Variants in ZNF423 observed in about 807,000 individuals in gnomAD.
ZNF423 encodes the protein Ebf-associated zinc finger protein.
A neutral mutation model predicts 95.8 loss-of-function variants in ZNF423; 12 were observed. That is an observed-to-expected ratio of 0.13 (90% CI 0.08 to 0.20). The LOEUF (loss-of-function observed/expected upper bound fraction) is 0.20. Ranked by LOEUF, ZNF423 falls within the 10% of genes least tolerant of loss-of-function variation. ZNF423 has a pLI of 1.00. For synonymous variants in ZNF423, 749 were observed against 711.9 expected (o/e 1.05, Z -0.83); for missense variants, 1,316 against 1,737.1 (o/e 0.76, Z 4.31).
chr16:49,586,824 G>A (rs1460218119), intron 5 of ZNF423, among the ~76,000 whole-genome samples: 7 of 152,168 alleles, frequency 4.6e-5, no homozygotes, highest in East Asian at 1.9e-4. Flanking sequence ...GCCAGTCCCC[G>A]GATGCCAACA....
At chr16:49,645,505 G>A (rs1290996989) in intron 3 of ZNF423, among the ~76,000 whole-genome samples, 1 of 152,218 alleles carries the variant, frequency 6.6e-6, no homozygotes, top group Non-Finnish European at 1.5e-5. Context: ...AGGGCACTGA[G>A]CAAACTGGAA....
intron 7 of ZNF423, 138 bp downstream of exon 7, chr16:49,523,486 C>G: frequency 1.4e-6 from 1 of 692,432 alleles, no homozygotes; most frequent in Non-Finnish European, 2.5e-6. Flanking sequence ...TCCATGCCTG[C>G]TAGCCAGGAG....
At chr16:49,714,171 T>C (rs2143172180) in intron 3 of ZNF423, among the ~76,000 whole-genome samples, 1 of 152,346 alleles carries the variant, frequency 6.6e-6, no homozygotes, top group Non-Finnish European at 1.5e-5. Flanking sequence ...CAGGAGATCA[T>C]GGGCTCCGAA....
chr16:49,858,773 G>A (rs995151190), upstream of ZNF423, among the ~76,000 whole-genome samples: 12 of 151,982 alleles, frequency 7.9e-5, no homozygotes, highest in Non-Finnish European at 2.9e-5. This position sits in a 1 kb window ranked among gnomAD's most constrained non-coding sequence, Gnocchi z 4.3. Flanking sequence ...CTGAACCGGG[G>A]GTGCCAAGGG....
intron 2 of ZNF423, among the ~76,000 whole-genome samples, chr16:49,782,852 G>T (rs1192908206): frequency 6.6e-6 from 1 of 151,918 alleles, no homozygotes; most frequent in Non-Finnish European, 1.5e-5. Flanking sequence ...CGCTAAGCAT[G>T]GTGGTACATG....
intron 2 of ZNF423, among the ~76,000 whole-genome samples, chr16:49,783,201 G>A (rs1041860017): frequency 1.3e-5 from 2 of 152,102 alleles, no homozygotes; most frequent in Non-Finnish European, 2.9e-5. Context: ...GCTGGGATGG[G>A]CGGGAGAGAC....
chr16:49,577,891 G>C (rs532163676), intron 5 of ZNF423, among the ~76,000 whole-genome samples: 1 of 152,304 alleles, frequency 6.6e-6, no homozygotes, highest in South Asian at 2.1e-4. Flanking sequence ...AGCCACCCTG[G>C]ACCAGGCTGC....
chr16:49,715,191 A>T (rs1483331339), intron 3 of ZNF423, among the ~76,000 whole-genome samples: 1 of 152,232 alleles, frequency 6.6e-6, no homozygotes, highest in Non-Finnish European at 1.5e-5. Context: ...CGAGTGGCAG[A>T]GACAATAATT....
intron 4 of ZNF423, among the ~76,000 whole-genome samples, chr16:49,634,419 C>A (rs1162633946): frequency 6.6e-6 from 1 of 152,134 alleles, no homozygotes; most frequent in African/African-American, 2.4e-5. Context: ...GCCCTCTTGG[C>A]TCCCGTGGGC....
chr16:49,797,566 TG>T (rs901637527), intron 1 of ZNF423, among the ~76,000 whole-genome samples: 4 of 152,070 alleles, frequency 2.6e-5, no homozygotes, highest in African/African-American at 9.7e-5. Context: ...GTGGGTGGGG[TG>T]GGGGTGATTG....
At chr16:49,518,009 T>C (rs1171984539) in intron 7 of ZNF423, 1 of 451,740 alleles carries the variant, frequency 2.2e-6, no homozygotes, top group East Asian at 7.0e-5. Context: ...TAAGCTAAAA[T>C]CCATCATTAA....
intron 5 of ZNF423, among the ~76,000 whole-genome samples, chr16:49,592,400 A>T (rs1215726589): frequency 6.6e-6 from 1 of 152,260 alleles, no homozygotes; most frequent in East Asian, 1.9e-4. Context: ...ACAGCCAATT[A>T]GGAAAATTGA....
intron 3 of ZNF423, among the ~76,000 whole-genome samples, chr16:49,702,229 C>T (rs1008376110): frequency 1.3e-5 from 2 of 152,172 alleles, no homozygotes; most frequent in Non-Finnish European, 1.5e-5. Flanking sequence ...ATGCACAAGG[C>T]GGGCCTTTGG....
intron 3 of ZNF423, among the ~76,000 whole-genome samples, chr16:49,703,660 C>T (rs2032262917): frequency 6.6e-6 from 1 of 152,356 alleles, no homozygotes; most frequent in South Asian, 2.1e-4. Context: ...GCAGGGGAGC[C>T]CCATGGGGTC....
intron 6 of ZNF423, among the ~76,000 whole-genome samples, chr16:49,524,872 G>A (rs1425934152): frequency 6.6e-6 from 1 of 152,226 alleles, no homozygotes; most frequent in Admixed American, 6.5e-5. Context: ...CCGGCAGCCA[G>A]TCTGGGGGCT....
chr16:49,580,759 T>C (rs540248818), intron 5 of ZNF423, among the ~76,000 whole-genome samples: 4 of 151,834 alleles, frequency 2.6e-5, no homozygotes, highest in Non-Finnish European at 5.9e-5. Context: ...CATTCGAGGG[T>C]AGAAAAGTTT....
intron 1 of ZNF423, among the ~76,000 whole-genome samples, chr16:49,823,849 C>G (rs906471632): frequency 3.3e-5 from 5 of 151,984 alleles, no homozygotes; most frequent in Non-Finnish European, 7.4e-5. Flanking sequence ...ACCTGTAATC[C>G]CATGGGAAGA....
chr16:49,782,845 T>A (rs2034235198), intron 2 of ZNF423, among the ~76,000 whole-genome samples: 1 of 151,422 alleles, frequency 6.6e-6, no homozygotes, highest in East Asian at 1.9e-4. Context: ...CACTTCACGC[T>A]AAGCATGGTG....
In ZNF423 at chr16:49,732,226, T is replaced by C. The variant is rs182176568; in HGVS notation, c.101-1255A>G. Among the ~76,000 whole-genome samples, 783 of 152,324 alleles carry C rather than the reference T, an allele frequency of 5.1e-3. 28 individuals carry two copies. Among genetic ancestry groups the C allele is most frequent in the Admixed American group, 0.044 (670 of 15,296 alleles). On this transcript the variant is annotated intron_variant, in intron 2 of 7. Transcript: ENST00000563137. ...TGACTCCTGGTCTAGTTCACTTCCC[T>C]GCACAACTGTGGGTAATGGAGCACA...
Sources: allele counts gnomAD v4.1 joint callset (sites outside exome capture counted in the v4.1 genomes callset), GRCh38; gene constraint gnomAD v4.1.1; non-coding constraint Gnocchi (gnomAD v3.1); transcripts MANE v1.5; gene names NCBI Gene and HGNC (gene_info 2026-07-23, HGNC 2026-07-21).